STPG2: variants seen among roughly 807,000 people sequenced by gnomAD.
The protein encoded by STPG2 is sperm tail PG-rich repeat containing 2, also known as sperm-tail PG-rich repeat-containing protein 2.
A neutral mutation model predicts 54.2 loss-of-function variants in STPG2; 56 were observed. That is an observed-to-expected ratio of 1.03 (90% confidence interval 0.83 to 1.29). The LOEUF (loss-of-function observed/expected upper bound fraction) is 1.29. STPG2 is among the 50% of genes most tolerant of loss of function. The pLI, the probability that STPG2 is intolerant of heterozygous loss-of-function variation, is 0.00. For synonymous variants in STPG2, 200 were observed against 181.8 expected, an observed-to-expected ratio of 1.10 and a Z score of -0.81; for missense variants, 596 against 544.9, an observed-to-expected ratio of 1.09 and a Z score of -0.93.
At chr4:97,864,620 G>A (rs989008536) in intron 8 of STPG2, among the ~76,000 whole-genome samples, 2 of 152,228 alleles carry the variant, frequency 1.3e-5, no homozygotes, top group African/African-American at 4.8e-5. Flanking sequence ...TCAAAAAAGA[G>A]CCCGCATTGC....
intron 7 of STPG2, among the ~76,000 whole-genome samples, chr4:97,968,209 C>A (rs919232777): frequency 3.9e-5 from 6 of 151,930 alleles, no homozygotes; most frequent in Non-Finnish European, 8.8e-5. Context: ...ATACAAACTA[C>A]CATCAGAGAA....
chr4:97,983,387 A>G (rs1025042968), intron 5 of STPG2, among the ~76,000 whole-genome samples: 7 of 152,140 alleles, frequency 4.6e-5, no homozygotes, highest in Non-Finnish European at 1.5e-5. Flanking sequence ...GTTTGGGAGG[A>G]GTCAAAAGCC....
At chr4:97,805,834 A>C (rs1238003487) in intron 9 of STPG2, among the ~76,000 whole-genome samples, 2 of 151,604 alleles carry the variant, frequency 1.3e-5, no homozygotes, top group Non-Finnish European at 2.9e-5. Flanking sequence ...TATTATTAAA[A>C]AGTAAAAAAA....
intron 4 of STPG2, among the ~76,000 whole-genome samples, chr4:97,549,692 A>C (rs966263442): frequency 1.3e-5 from 2 of 152,306 alleles, no homozygotes; most frequent in African/African-American, 4.8e-5. Context: ...AAGGGCAACT[A>C]CAGAGAAGAA....
intron 4 of STPG2, among the ~76,000 whole-genome samples, chr4:97,553,814 G>C (rs1732019374): frequency 1.3e-5 from 2 of 152,072 alleles, no homozygotes; most frequent in Admixed American, 6.6e-5. Flanking sequence ...TTCAATCTTT[G>C]GATTAGTCTA....
chr4:97,807,707 A>T (rs1186784626), intron 9 of STPG2, among the ~76,000 whole-genome samples: 1 of 151,958 alleles, frequency 6.6e-6, no homozygotes, highest in African/African-American at 2.4e-5. Context: ...GGGCAGGAGT[A>T]TGAGGCAAAA....
At chr4:97,950,833 T>A (rs1733437569) in intron 7 of STPG2, among the ~76,000 whole-genome samples, 1 of 152,176 alleles carries the variant, frequency 6.6e-6, no homozygotes, top group Non-Finnish European at 1.5e-5. Context: ...GTTTGGAGAC[T>A]AGATTGCCTT....
intron 10 of STPG2, among the ~76,000 whole-genome samples, chr4:97,565,973 A>G (rs1194679409): frequency 6.6e-6 from 1 of 152,192 alleles, no homozygotes; most frequent in Non-Finnish European, 1.5e-5. Context: ...AAGCTGTCAG[A>G]CAGGGACATT....
chr4:97,832,116 C>G (rs1483025243), intron 9 of STPG2, among the ~76,000 whole-genome samples: 1 of 152,070 alleles, frequency 6.6e-6, no homozygotes, highest in East Asian at 1.9e-4. Context: ...TGCAAAAATC[C>G]TCAATAAAAT....
intron 6 of STPG2, among the ~76,000 whole-genome samples, chr4:97,980,166 CAGAG>C (rs960545553): frequency 6.6e-6 from 1 of 151,704 alleles, no homozygotes; most frequent in African/African-American, 2.4e-5. Context: ...GCCTGGATGA[CAGAG>C]AGAGAGAGAT....
intron 6 of STPG2, among the ~76,000 whole-genome samples, chr4:97,977,974 T>G (rs1202448621): frequency 6.6e-6 from 1 of 152,180 alleles, no homozygotes; most frequent in Non-Finnish European, 1.5e-5. Flanking sequence ...TTAGCAACAC[T>G]AATACTTGAG....
At chr4:97,746,435 G>C (rs961407994) in intron 9 of STPG2, among the ~76,000 whole-genome samples, 1 of 151,220 alleles carries the variant, frequency 6.6e-6, no homozygotes, top group Non-Finnish European at 1.5e-5. Context: ...CTTAACAGTT[G>C]AATGTCTCCA....
chr4:97,692,826 C>T (rs571466488), intron 10 of STPG2, among the ~76,000 whole-genome samples: 30 of 152,194 alleles, frequency 2.0e-4, no homozygotes, highest in Non-Finnish European at 3.2e-4. Flanking sequence ...AAAAGAAAAC[C>T]TATCATATTA....
chr4:97,456,963 A>C (rs1158037638), intron 4 of STPG2, among the ~76,000 whole-genome samples: 5 of 152,032 alleles, frequency 3.3e-5, no homozygotes, highest in African/African-American at 1.2e-4. Flanking sequence ...ATACCTTGCC[A>C]AAGAAGATTA....
chr4:97,486,732 C>T (rs1041313213), intron 4 of STPG2, among the ~76,000 whole-genome samples: 4 of 151,458 alleles, frequency 2.6e-5, no homozygotes, highest in Admixed American at 1.3e-4. Flanking sequence ...TTTATAGCAG[C>T]ACAATTCGCA....
At chr4:97,955,537 T>C (rs577557037) in intron 7 of STPG2, among the ~76,000 whole-genome samples, 1 of 151,988 alleles carries the variant, frequency 6.6e-6, no homozygotes, top group South Asian at 2.1e-4. Flanking sequence ...ATTCTAAGAG[T>C]GTTCGAGGCA....
At chr4:98,125,597 T>A (rs892192797) in intron 3 of STPG2, among the ~76,000 whole-genome samples, 2 of 152,082 alleles carry the variant, frequency 1.3e-5, no homozygotes, top group Non-Finnish European at 2.9e-5. Context: ...AACACTCCTG[T>A]ATGAGGTGTC....
At chr4:97,577,410 T>TAA (rs58133955) in intron 10 of STPG2, among the ~76,000 whole-genome samples, 7 of 151,416 alleles carry the variant, frequency 4.6e-5, no homozygotes, top group African/African-American at 1.5e-4. Context: ...CCAACAGCCA[T>TAA]AAAAAAAAAT....
intron 4 of STPG2, among the ~76,000 whole-genome samples, chr4:97,498,877 A>G (rs1485359145): frequency 6.6e-6 from 1 of 152,016 alleles, no homozygotes; most frequent in African/African-American, 2.4e-5. Context: ...CCAAATTATG[A>G]AAGGAGTACA....
Sources: allele counts gnomAD v4.1 joint callset (sites outside exome capture counted in the v4.1 genomes callset), GRCh38; gene constraint gnomAD v4.1.1; transcripts MANE v1.5; gene names NCBI Gene and HGNC (gene_info 2026-07-23, HGNC 2026-07-21).